Variants in ALG13 observed in about 807,000 individuals in gnomAD.
The protein encoded by ALG13 is ALG13 UDP-N-acetylglucosaminyltransferase subunit, also known as UDP-N-acetylglucosamine transferase subunit ALG13.
ALG13 carries 11 observed loss-of-function variants against 87.8 expected under a neutral mutation model. That is an observed-to-expected ratio of 0.13 (90% CI 0.08 to 0.21). The LOEUF is 0.21. Among genes scored for constraint, ALG13 ranks in the 10% least tolerant of loss-of-function variants. The probability of loss-of-function intolerance (pLI) is 1.00; values close to 1 mark genes in which losing one functional copy is unlikely to be tolerated. For synonymous variants in ALG13, 320 were observed against 306.3 expected (o/e 1.04, Z -0.47); for missense variants, 756 against 866.1 (o/e 0.87, Z 1.60).
At position 111,708,336 on chromosome X, in the gene ALG13, G is replaced by A. The variant is rs1237573405; in HGVS notation, c.693G>A (p.Leu231=). 3 of 1,211,714 alleles carry A rather than the reference G, an allele frequency of 2.5e-6. No individual in the cohort carries two copies. The South Asian group carries it at 5.3e-5, about 21-fold the overall frequency. ...SMDEYLGSLG[L]FRKLTAKDAS... is the part of the protein sequence containing the mutation. The stretch of plus-strand genomic sequence containing the variant: ...ATGAATATTTAGGCAGCTTAGGGCT[G>A]TTTCGAAAGCTGACTGCCAAGGATG... The change falls in exon 4 of 27, where the codon CTG becomes CTA. Residue 231 remains leucine (L), a synonymous_variant. Transcript: ENST00000394780.
chrX:111,729,769 C>T (rs1186642638), intron 19 of ALG13, among the ~76,000 whole-genome samples: 1 of 111,866 alleles, frequency 8.9e-6, no homozygotes, highest in African/African-American at 3.3e-5. Context: ...CTGAGCCATC[C>T]TTTGAGGACA....
At chrX:111,723,006 G>A in intron 13 of ALG13, 149 bp downstream of exon 13, 1 of 421,827 alleles carries the variant, frequency 2.4e-6, no homozygotes, top group Non-Finnish European at 4.1e-6. Context: ...CTAGGCTGGA[G>A]TGTAGTGGCA....
intron 1 of ALG13, chrX:111,681,626 C>T (rs1383527452): frequency 1.2e-5 from 11 of 928,407 alleles, no homozygotes; most frequent in South Asian, 1.0e-4. Flanking sequence ...GGCTCCGCCC[C>T]TCCGAGCTCG....
intron 5 of ALG13, among the ~76,000 whole-genome samples, chrX:111,710,599 C>T (rs188349390): frequency 1.8e-5 from 2 of 111,833 alleles, no homozygotes; most frequent in South Asian, 3.8e-4. Context: ...AGGGTACTTA[C>T]GGAAGTGATA....
intron 1 of ALG13, chrX:111,681,596 C>CCTCCGCCCCTCCTTCCAACGG: frequency 1.1e-6 from 1 of 944,484 alleles, no homozygotes; most frequent in East Asian, 5.0e-5. Flanking sequence ...GCCTCCGCGT[C>CCTCCGCCCCTCCTTCCAACGG]CTCCGCCCCT....
Position 111,727,373 on chromosome X carries a change from C to G in ALG13, c.2018C>G (p.Pro673Arg). ...RFINRHNMPG[P>R]KVDFYPGPGK... ...ATAAACAGGCACAACATGCCGGGCCCTAAAGTTGATTTTTACCCAGGCCCA... is the reference window on the plus strand; with the variant it reads ...ATAAACAGGCACAACATGCCGGGCCGTAAAGTTGATTTTTACCCAGGCCCA... The change falls in exon 17 of 27, where the codon CCT becomes CGT. Residue 673 changes from proline (P) to arginine (R), a missense_variant. Physicochemically the swap from Pro to Arg is moderately radical, Grantham distance 103. Transcript: ENST00000394780. 2 of 1,210,332 alleles carry G rather than the reference C, an allele frequency of 1.7e-6. No homozygotes were observed. The highest frequency in any genetic ancestry group is 2.2e-6 in the Non-Finnish European group (2 of 894,811).
At chrX:111,733,762 C>T (rs140143482) in intron 21 of ALG13, among the ~76,000 whole-genome samples, 2 of 111,426 alleles carry the variant, frequency 1.8e-5, no homozygotes, top group Non-Finnish European at 3.8e-5. Context: ...TACTAGTTTA[C>T]ACTGCCACCA....
chrX:111,754,802 T>C (rs1327471970), intron 25 of ALG13, among the ~76,000 whole-genome samples: 2 of 112,233 alleles, frequency 1.8e-5, no homozygotes, highest in Middle Eastern at 4.7e-3. Flanking sequence ...CGTTCCATGC[T>C]TATGGATAGG....
intron 23 of ALG13, among the ~76,000 whole-genome samples, chrX:111,737,517 A>G (rs920051540): frequency 2.7e-5 from 3 of 111,724 alleles, no homozygotes; most frequent in Admixed American, 9.5e-5. Flanking sequence ...ATAAAAATGG[A>G]AATAGTGAAG....
chrX:111,730,166 G>A (rs1462672688), intron 19 of ALG13, among the ~76,000 whole-genome samples: 1 of 111,899 alleles, frequency 8.9e-6, no homozygotes, highest in Non-Finnish European at 1.9e-5. Context: ...TGACCTCTAA[G>A]AGCTAAGTGG....
At chrX:111,726,484 G>A (rs1738555530) in intron 15 of ALG13, among the ~76,000 whole-genome samples, 1 of 107,518 alleles carries the variant, frequency 9.3e-6, no homozygotes, top group East Asian at 3.0e-4. Context: ...CACCCACCTC[G>A]GCCTTCCAAA....
intron 22 of ALG13, among the ~76,000 whole-genome samples, chrX:111,735,834 A>AGTAT (rs758500613): frequency 2.7e-5 from 3 of 111,101 alleles, no homozygotes. Context: ...CAGTGAGGAC[A>AGTAT]GTATGTTCAA....
intron 26 of ALG13, among the ~76,000 whole-genome samples, chrX:111,759,101 G>T (rs1945524440): frequency 9.2e-6 from 1 of 108,128 alleles, no homozygotes; most frequent in Non-Finnish European, 1.9e-5. Context: ...ATGAGGCAGT[G>T]GCAGTCTTAA....
At chrX:111,685,319 G>C in intron 3 of ALG13, 1 of 363,995 alleles carries the variant, frequency 2.7e-6, no homozygotes, top group Non-Finnish European at 4.7e-6. Context: ...CTGTTTCTTT[G>C]CATATGTGAA....
intron 24 of ALG13, among the ~76,000 whole-genome samples, chrX:111,745,373 G>A (rs1447429090): frequency 9.0e-6 from 1 of 111,194 alleles, no homozygotes. Context: ...TTGAATTTCA[G>A]CTGTGTTTTC....
chrX:111,712,884 G>A (rs185603199), intron 7 of ALG13, among the ~76,000 whole-genome samples: 119 of 110,697 alleles, frequency 1.1e-3, no homozygotes, highest in African/African-American at 3.8e-3. Flanking sequence ...CTAGCCTTTT[G>A]CCAAAAAAAT....
At chrX:111,705,906 C>T (rs1395705854) in intron 3 of ALG13, among the ~76,000 whole-genome samples, 1 of 110,945 alleles carries the variant, frequency 9.0e-6, no homozygotes, top group African/African-American at 3.3e-5. Context: ...CTGATTTTCC[C>T]TTCCCCCATT....
chrX:111,736,599 A>C, intron 22 of ALG13, 115 bp from the exon 23 acceptor site: 1 of 681,481 alleles, frequency 1.5e-6, no homozygotes, highest in Non-Finnish European at 2.2e-6. Context: ...ATAAAGATTG[A>C]CTTTCAGTGT....
intron 3 of ALG13, among the ~76,000 whole-genome samples, chrX:111,707,096 A>G (rs1317345939): frequency 2.7e-5 from 3 of 111,781 alleles, no homozygotes; most frequent in Non-Finnish European, 5.6e-5. Flanking sequence ...AATAGGAACA[A>G]ATAAAACAAG....
Sources: allele counts gnomAD v4.1 joint callset (sites outside exome capture counted in the v4.1 genomes callset), GRCh38; gene constraint gnomAD v4.1.1; transcripts MANE v1.5; gene names NCBI Gene and HGNC (gene_info 2026-07-23, HGNC 2026-07-21).